SHMT1: variants seen among roughly 807,000 people sequenced by gnomAD.
SHMT1 encodes serine hydroxymethyltransferase, cytosolic.
Under a neutral mutation model 49.0 loss-of-function variants are expected in SHMT1, and 45 were observed. The ratio of observed to expected loss-of-function variants is 0.92; its 90% CI spans 0.72 to 1.18. SHMT1 has a LOEUF of 1.18. Among genes scored for constraint, SHMT1 ranks in the 50% most tolerant of loss-of-function variants. SHMT1 has a pLI of 0.00. For synonymous variants in SHMT1, 232 were observed against 246.6 expected, an observed-to-expected ratio of 0.94 and a Z score of 0.55; for missense variants, 541 against 612.4, an observed-to-expected ratio of 0.88 and a Z score of 1.23.
chr17:18,350,294 G>A (rs111436543), intron 3 of SHMT1, among the ~76,000 whole-genome samples: 16,595 of 152,072 alleles, frequency 0.11, 1,009 homozygotes, highest in South Asian at 0.18. Flanking sequence ...TCGTGCCACT[G>A]CGCTCCAGCC....
chr17:18,336,587 A>C (rs1983817008), intron 7 of SHMT1, among the ~76,000 whole-genome samples: 1 of 151,414 alleles, frequency 6.6e-6, no homozygotes, highest in Admixed American at 6.6e-5. Flanking sequence ...AATGCGTTGA[A>C]CCCGGGAGGT....
chr17:18,334,335 C>G (rs1198407712), intron 8 of SHMT1, among the ~76,000 whole-genome samples: 1 of 152,096 alleles, frequency 6.6e-6, no homozygotes, highest in Non-Finnish European at 1.5e-5. Flanking sequence ...GTGACCCACC[C>G]ACCTCAGCCT....
At chr17:18,353,620 G>C (rs766348419) in intron 3 of SHMT1, 52 bp downstream of exon 3, 1 of 1,586,062 alleles carries the variant, frequency 6.3e-7, no homozygotes, top group Non-Finnish European at 8.7e-7. Context: ...TAGGCTGACT[G>C]AGTACTCCCT....
At chr17:18,333,033 C>A (rs1050839379) in intron 9 of SHMT1, 133 bp downstream of exon 9, 1 of 1,190,856 alleles carries the variant, frequency 8.4e-7, no homozygotes, top group African/African-American at 1.5e-5. Context: ...GCGAGGCTGA[C>A]CTCCTCCCAA....
At chr17:18,329,045 A>G in intron 11 of SHMT1, 126 bp from the exon 12 acceptor site, 2 of 1,232,326 alleles carry the variant, frequency 1.6e-6, no homozygotes, top group Non-Finnish European at 2.3e-6. Flanking sequence ...CAAGGTCTCC[A>G]TGCTTACCTC....
Position 18,330,714 on chromosome 17 carries a change from T to C in SHMT1, c.1055-43A>G, listed in dbSNP as rs8080285. On this transcript the variant is annotated intron_variant, in intron 9 of 11. Transcript: ENST00000316694. Reference sequence around the variant, plus strand: ...CATGTAGAAATGCAGGCGAATTCTATGCCGTGAAGGAATCTCTGAGAAACG... The same window carrying C: ...CATGTAGAAATGCAGGCGAATTCTACGCCGTGAAGGAATCTCTGAGAAACG... 5 of 1,385,230 alleles carry C rather than the reference T, an allele frequency of 3.6e-6. No individual in the cohort carries two copies. In the Admixed American group the frequency reaches 8.4e-5, roughly 23 times the overall value. The allele number at this position is 1,385,230 out of a possible 1,614,324, so 85.8% of individuals were successfully genotyped here.
At position 18,348,498 on chromosome 17, in the gene SHMT1, C is replaced by G. The variant is rs758265259; in HGVS notation, c.243-58G>C. Reference sequence around the variant, plus strand: ...TCAGACCCAGAAAGTCTGTGCTTCACAGAGGCCAAAGAAGCTTAGGGGTGG... The same window carrying G: ...TCAGACCCAGAAAGTCTGTGCTTCAGAGAGGCCAAAGAAGCTTAGGGGTGG... On this transcript the variant is annotated intron_variant, in intron 3 of 11. Coordinates refer to ENST00000316694, the MANE Select transcript of SHMT1 (RefSeq NM_004169.5). The G allele has an allele frequency of 2.3e-6, 3 of 1,279,358 alleles. No individual in the cohort carries two copies. The Admixed American group carries it at 5.0e-5, about 21-fold the overall frequency. The allele number at this position is 1,279,358 out of a possible 1,614,324, so 79.3% of individuals were successfully genotyped here.
chr17:18,342,339 CAG>C (rs974981681), intron 5 of SHMT1, among the ~76,000 whole-genome samples: 1 of 152,010 alleles, frequency 6.6e-6, no homozygotes, highest in Non-Finnish European at 1.5e-5. Flanking sequence ...TTTTTTGAGA[CAG>C]AGTCTCACTC....
Position 18,328,640 on chromosome 17 carries a change from C to A in SHMT1, c.*110G>T. The A allele has an allele frequency of 8.2e-7, 1 of 1,220,944 alleles. No homozygotes were observed. 75.6% of individuals were successfully genotyped at this position (1,220,944 alleles called of 1,614,324 possible). ...CCAAAAGAAACCCCCTCAAAGGGCC[C>A]GAGTGTCAACAGTTCCCCTTTGGAG... On this transcript the variant is annotated 3_prime_UTR_variant, in exon 12 of 12. Transcript: ENST00000316694.
chr17:18,352,926 G>A (rs780065908), intron 3 of SHMT1, among the ~76,000 whole-genome samples: 49 of 151,982 alleles, frequency 3.2e-4, no homozygotes, highest in South Asian at 6.2e-4. Context: ...GAGAAATAAA[G>A]AAAACACCTG....
chr17:18,348,575 A>C (rs776785181), intron 3 of SHMT1, 135 bp from the exon 4 acceptor site: 7 of 759,370 alleles, frequency 9.2e-6, no homozygotes, highest in Non-Finnish European at 1.7e-5. Context: ...GTTAACATGC[A>C]GATGCTGAAG....
intron 5 of SHMT1, among the ~76,000 whole-genome samples, chr17:18,345,827 T>C (rs1302737925): frequency 6.6e-6 from 1 of 151,450 alleles, no homozygotes; most frequent in Non-Finnish European, 1.5e-5. Context: ...ACTACGGGTG[T>C]GCACCACCAC....
At chr17:18,330,795 C>A (rs945620451) in intron 9 of SHMT1, 124 bp from the exon 10 acceptor site, 1 of 722,648 alleles carries the variant, frequency 1.4e-6, no homozygotes, top group African/African-American at 1.7e-5. Flanking sequence ...AGCACCCCCA[C>A]CACATGGCCT....
chr17:18,348,211 G>A (rs1985300010), intron 4 of SHMT1, 114 bp downstream of exon 4: 5 of 784,286 alleles, frequency 6.4e-6, no homozygotes, highest in Non-Finnish European at 1.1e-5. Context: ...TGAGCCACTG[G>A]GCCCGGCCTA....
chr17:18,350,572 G>T (rs2151595375), intron 3 of SHMT1, among the ~76,000 whole-genome samples: 1 of 152,076 alleles, frequency 6.6e-6, no homozygotes, highest in South Asian at 2.1e-4. Flanking sequence ...AAGAGTTTGA[G>T]GCTGCAATGA....
intron 1 of SHMT1, among the ~76,000 whole-genome samples, chr17:18,359,026 C>T (rs572357805): frequency 5.3e-4 from 80 of 151,366 alleles, no homozygotes; most frequent in African/African-American, 1.6e-3. Context: ...GAGGCCAAGG[C>T]GTGCGGATCA....
intron 1 of SHMT1, among the ~76,000 whole-genome samples, chr17:18,356,331 C>T (rs918976488): frequency 1.3e-5 from 2 of 151,856 alleles, no homozygotes; most frequent in East Asian, 1.9e-4. Flanking sequence ...TGTCAGCCAC[C>T]GCGCCCCACC....
chr17:18,337,458 G>C (rs980556003), intron 7 of SHMT1, among the ~76,000 whole-genome samples: 3 of 152,218 alleles, frequency 2.0e-5, no homozygotes, highest in African/African-American at 7.2e-5. Context: ...CTGAGAAGCT[G>C]AGGGGGCATG....
chr17:18,348,679 A>C, intron 3 of SHMT1: 1 of 626,680 alleles, frequency 1.6e-6, no homozygotes. Context: ...TCATCTATAA[A>C]AAGAGGGGGT....
Sources: allele counts gnomAD v4.1 joint callset (sites outside exome capture counted in the v4.1 genomes callset), GRCh38; gene constraint gnomAD v4.1.1; transcripts MANE v1.5; gene names NCBI Gene and HGNC (gene_info 2026-07-23, HGNC 2026-07-21).